Variants in PALB2 observed in about 807,000 individuals in gnomAD.
PALB2 encodes the protein mutant partner and localizer of BRCA2.
A neutral mutation model predicts 107.4 loss-of-function variants in PALB2; 82 were observed. The observed-to-expected ratio is 0.76, with a 90% CI of 0.64 to 0.92. The LOEUF is 0.92. Ranked by LOEUF, PALB2 falls within the 40% of genes least tolerant of loss-of-function variation. PALB2 has a pLI of 0.00. For missense variants in PALB2, 1,374 were observed against 1,379.9 expected (o/e 1.00, Z 0.07); for synonymous variants, 489 against 496.8 (o/e 0.98, Z 0.21).
Position 23,630,408 on chromosome 16 carries a change from G to C in PALB2, c.1746C>G (p.Ser582=), listed in dbSNP as rs1057520985. The C allele has an allele frequency of 6.2e-7, 1 of 1,613,992 alleles. No homozygotes were observed. The change falls in exon 5 of 13, where the codon TCC becomes TCG. Residue 582 remains serine, a synonymous_variant. Transcript: ENST00000261584. ...SLSWSNSAYL[S]LDDDAFTAPF... ...GAGCCGTGAAAGCATCATCATCCAA[G>C]GATAAATAAGCACTATTACTCCAAG...
chr16:23,610,246 A>G (rs542784995), intron 11 of PALB2, among the ~76,000 whole-genome samples: 3 of 152,074 alleles, frequency 2.0e-5, no homozygotes, highest in Admixed American at 6.6e-5. Flanking sequence ...CCGTCTGGTC[A>G]TATATGGAAA....
chr16:23,608,903 C>T (rs1297165377), intron 11 of PALB2, among the ~76,000 whole-genome samples: 1 of 151,904 alleles, frequency 6.6e-6, no homozygotes, highest in African/African-American at 2.4e-5. Context: ...TCTCAGCTCA[C>T]TGCAACCTCC....
Position 23,630,026 on chromosome 16 carries a change from T to C in PALB2, c.2128A>G (p.Thr710Ala), listed in dbSNP as rs730881887. 18 of 1,614,062 alleles carry C rather than the reference T, an allele frequency of 1.1e-5. No homozygotes were observed. The African/African-American group carries it at 2.1e-4, about 19-fold the overall frequency. ...SSILLYTPLNTVAPDDNDRPT... is the reference protein window; with the variant it reads ...SSILLYTPLNAVAPDDNDRPT... ...CTGTCATTATCATCAGGCGCAACCG[T>C]ATTTAAAGGAGTATAAAGTAATATG... is the stretch of plus-strand genomic sequence containing the variant. The change falls in exon 5 of 13, where the codon ACG becomes GCG. Residue 710 changes from threonine to alanine, a missense_variant. Physicochemically the swap from Thr to Ala is moderately conservative, Grantham distance 58. Transcript: ENST00000261584.
chr16:23,605,393 T>A (rs1966451820), intron 12 of PALB2, among the ~76,000 whole-genome samples: 1 of 150,834 alleles, frequency 6.6e-6, no homozygotes, highest in South Asian at 2.1e-4. Context: ...TCCATAAAAT[T>A]AGAAATAAGT....
intron 11 of PALB2, among the ~76,000 whole-genome samples, chr16:23,610,560 G>T (rs1302303545): frequency 6.6e-6 from 1 of 151,644 alleles, no homozygotes; most frequent in Non-Finnish European, 1.5e-5. Flanking sequence ...GCCCGCCTCG[G>T]CCTCACAAAG....
At position 23,636,319 on chromosome 16, in the gene PALB2, AT is replaced by A. The variant is rs587782443; in HGVS notation, c.226del (p.Ile76TyrfsTer101). On this transcript the variant is annotated frameshift_variant, in exon 4 of 13. Coordinates refer to ENST00000261584, the MANE Select transcript of PALB2 (RefSeq NM_024675.4). LOFTEE classifies it high-confidence loss of function. ...GATGTGTAACTTGTCATAAACACAT[AT>A]TTTATTTTTAGGTTCTGAGGAGGAA... ...QLKHSEPKNK[I>X]CVYDKLHIKT... The A allele has an allele frequency of 1.2e-6, 2 of 1,608,676 alleles. No individual in the cohort carries two copies. The highest frequency in any genetic ancestry group is 2.7e-5 in the African/African-American group (2 of 74,788).
chr16:23,603,743 AC>A, intron 12 of PALB2, 74 bp from the exon 13 acceptor site: 1 of 1,378,718 alleles, frequency 7.3e-7, no homozygotes, highest in Non-Finnish European at 1.0e-6. Context: ...AAAGGTCAAA[AC>A]CATGTTCCCA....
chr16:23,635,411 T>C lies in PALB2; in HGVS notation c.1135A>G (p.Lys379Glu). Residue 379 changes from lysine (K) to glutamate (E), a missense_variant, in exon 4 of 13, where the codon AAG becomes GAG. Physicochemically the swap from Lys to Glu is moderately conservative, Grantham distance 56 (BLOSUM62 1). Coordinates refer to ENST00000261584, the MANE Select transcript of PALB2 (RefSeq NM_024675.4). ...LQESEILSQP[K>E]SLSLEATSPL... is the part of the protein sequence containing the mutation. ...GAGGTTGCTTCCAGGCTAAGACTCT[T>C]AGGTTGACTTAGAATCTCACTTTCC... The C allele has an allele frequency of 6.2e-7, 1 of 1,613,986 alleles. No homozygotes were observed. The highest frequency in any genetic ancestry group is 8.5e-7 in the Non-Finnish European group (1 of 1,179,874).
chr16:23,611,925 A>G (rs1432281931), intron 11 of PALB2, among the ~76,000 whole-genome samples: 1 of 152,176 alleles, frequency 6.6e-6, no homozygotes, highest in Non-Finnish European at 1.5e-5. Context: ...TGTCTTATTT[A>G]AAGGAGGACA....
At chr16:23,638,210 C>T in intron 1 of PALB2, 81 bp from the exon 2 acceptor site, 3 of 1,164,478 alleles carry the variant, frequency 2.6e-6, no homozygotes, top group Non-Finnish European at 3.9e-6. Context: ...TTGGCGGGGT[C>T]CCTTGGCAAG....
At chr16:23,634,340 C>G (rs1966929220) in intron 4 of PALB2, among the ~76,000 whole-genome samples, 1 of 152,168 alleles carries the variant, frequency 6.6e-6, no homozygotes, top group South Asian at 2.1e-4. Flanking sequence ...GAGTTAGTAT[C>G]TGTACAACAT....
rs1161172218 is a variant in PALB2 at position 23,627,838 on chromosome 16, TA to T, written c.2586+1365del. Among the ~76,000 whole-genome samples the T allele has an allele frequency of 2.0e-5, 3 of 152,302 alleles. No homozygotes were observed. In the East Asian group the frequency reaches 5.8e-4, roughly 29 times the overall value. On this transcript the variant is annotated intron_variant, in intron 6 of 12. Coordinates refer to ENST00000261584, the MANE Select transcript of PALB2 (RefSeq NM_024675.4). Reference sequence around the variant, plus strand: ...GGAGAATGGGGAAGAGAGGCTTAATTACATATACACAGATTTTAATAATCTA... The same window carrying T: ...GGAGAATGGGGAAGAGAGGCTTAATTCATATACACAGATTTTAATAATCTA...
rs149028963 is a variant in PALB2 at position 23,628,131 on chromosome 16, C to T, written c.2586+1073G>A. Among the ~76,000 whole-genome samples, 202 of 152,210 alleles carry T rather than the reference C, an allele frequency of 1.3e-3. 2 individuals are homozygous for T. The highest frequency in any genetic ancestry group is 4.1e-3 in the African/African-American group (170 of 41,538). ...CCCAGCTACTATGGAGGTTGAGGCA[C>T]GAGAATTGCTTGAACCTGTAGGCGG... On this transcript the variant is annotated intron_variant, in intron 6 of 12. Transcript: ENST00000261584.
Position 23,629,895 on chromosome 16 carries a change from T to G in PALB2, c.2259A>C (p.Arg753=), listed in dbSNP as rs2142377086. 6.2e-7 allele frequency: 1 copy of G among 1,614,208 alleles called. No individual in the cohort carries two copies. Reference sequence around the variant, plus strand: ...GAGCAAGTTGGGGTGTGCAGCAAGTTCGTCCAGCAACTTCTGTAGATGCTT... The same window carrying G: ...GAGCAAGTTGGGGTGTGCAGCAAGTGCGTCCAGCAACTTCTGTAGATGCTT... The part of the protein sequence containing the change: ...YEKASTEVAG[R]TCCTPQLAHL... The change falls in exon 5 of 13, where the codon CGA becomes CGC. Residue 753 remains arginine, a synonymous_variant. Coordinates refer to ENST00000261584, the MANE Select transcript of PALB2 (RefSeq NM_024675.4).
Position 23,634,974 on chromosome 16 carries a change from T to C in PALB2, c.1572A>G (p.Ser524=), listed in dbSNP as rs45472400. Residue 524 remains serine, a synonymous_variant, in exon 4 of 13, where the codon TCA becomes TCG. Transcript: ENST00000261584. ...TTGGCAAAAGTGGTTCACAATGATC[T>C]GATGCTGGGGTGCAGGCTGATTTTC... ...GKRKSACTPA[S]DHCEPLLPTS... is the part of the protein sequence containing the mutation. 7,529 of 1,614,194 alleles carry C rather than the reference T, an allele frequency of 4.7e-3. 18 individuals carry two copies. Among genetic ancestry groups the C allele is most frequent in the Non-Finnish European group, 5.6e-3 (6,632 of 1,180,046 alleles).
At position 23,609,029 on chromosome 16, in the gene PALB2, C is replaced by T. The variant is rs530835482; in HGVS notation, c.3202-1017G>A. Among the ~76,000 whole-genome samples the T allele has an allele frequency of 5.9e-4, 89 of 152,070 alleles. 1 individual carries two copies. The highest frequency in any genetic ancestry group is 2.1e-3 in the African/African-American group (87 of 41,476). On this transcript the variant is annotated intron_variant, in intron 11 of 12. Coordinates refer to ENST00000261584, the MANE Select transcript of PALB2 (RefSeq NM_024675.4). ...TTTTAGTAGAGACAGGGTTTCACCA[C>T]GTTGACCAGGATGGTCTCGATCTCC...
Position 23,603,460 on chromosome 16 carries a change from T to TA in PALB2, c.3559dup (p.Ter1187LeufsTer3). On this transcript the variant is annotated frameshift_variant and stop_lost, in exon 13 of 13. Transcript: ENST00000261584. LOFTEE classifies it high-confidence loss of function. ...ATTGTGTTTTCACTTTACCCTAACT[T>TA]ATGAATAGTGGTATACAAATATATT... 1.2e-6 allele frequency: 2 copies of TA among 1,610,754 alleles called. No homozygotes were observed. Among genetic ancestry groups the TA allele is most frequent in the Non-Finnish European group, 1.7e-6 (2 of 1,176,968 alleles).
chr16:23,623,030 T>C lies in PALB2; in HGVS notation c.2935A>G (p.Ser979Gly). 6.2e-7 allele frequency: 1 copy of C among 1,614,186 alleles called. No individual in the cohort carries two copies. Among genetic ancestry groups the C allele is most frequent in the Non-Finnish European group, 8.5e-7 (1 of 1,180,034 alleles). Residue 979 changes from serine to glycine, a missense_variant, in exon 9 of 13, where the codon AGT becomes GGT. Ser to Gly is a moderately conservative substitution (Grantham distance 56). Coordinates refer to ENST00000261584, the MANE Select transcript of PALB2 (RefSeq NM_024675.4). ...VLGLTKRRLV[S>G]SSGTLSDQQV... ...TGATCAGAAAGGGTCCCACTGCTAC[T>C]AACTAGCCTCCTCTTTGTCAGGCCA... is the stretch of plus-strand genomic sequence containing the variant.
At chr16:23,629,331 CATT>C in intron 5 of PALB2, 56 bp from the exon 6 acceptor site, 4 of 1,422,858 alleles carry the variant, frequency 2.8e-6, no homozygotes, top group Non-Finnish European at 4.0e-6. Context: ...TGTCTGCCTG[CATT>C]ACCCACTCAT....
Sources: allele counts gnomAD v4.1 joint callset (sites outside exome capture counted in the v4.1 genomes callset), GRCh38; gene constraint gnomAD v4.1.1; transcripts MANE v1.5; gene names NCBI Gene and HGNC (gene_info 2026-07-23, HGNC 2026-07-21).